The following RPS6KA3 variants were observed in gnomAD, a reference collection of about 807,000 sequenced individuals.
RPS6KA3 encodes the protein ribosomal protein S6 kinase A3, also known as ribosomal protein S6 kinase alpha-3.
In RPS6KA3, 4 loss-of-function variants were observed where a neutral mutation model predicts 67.2. The observed-to-expected ratio is 0.06, with a 90% CI of 0.03 to 0.14. The LOEUF (loss-of-function observed/expected upper bound fraction) is 0.14, where lower values mean the gene tolerates loss of function less well. Among genes scored for constraint, RPS6KA3 ranks in the 10% least tolerant of loss-of-function variants. The pLI, the probability that RPS6KA3 is intolerant of heterozygous loss-of-function variation, is 1.00. For missense variants in RPS6KA3, 204 were observed against 559.0 expected, an observed-to-expected ratio of 0.36 and a Z score of 6.40; for synonymous variants, 182 against 183.7, an observed-to-expected ratio of 0.99 and a Z score of 0.07.
At chrX:20,185,127 A>G (rs2067947775) in intron 10 of RPS6KA3, among the ~76,000 whole-genome samples, 2 of 110,713 alleles carry the variant, frequency 1.8e-5, no homozygotes, top group Admixed American at 9.6e-5. Flanking sequence ...TTCTATTTTT[A>G]GTAGAGACAG....
At chrX:20,162,912 A>G (rs1404491647) in intron 19 of RPS6KA3, 52 bp downstream of exon 19, 47 of 861,290 alleles carry the variant, frequency 5.5e-5, no homozygotes, top group Non-Finnish European at 8.0e-5. Context: ...AACTTAAGCA[A>G]AACATTGATG....
At chrX:20,234,694 AAATAAT>A (rs1272401671) in intron 2 of RPS6KA3, 58 bp downstream of exon 2, 1 of 814,727 alleles carries the variant, frequency 1.2e-6, no homozygotes. Context: ...CTCAGCTGAA[AAATAAT>A]AATAACTTTA....
At chrX:20,239,938 T>C (rs776358920) in intron 1 of RPS6KA3, among the ~76,000 whole-genome samples, 9 of 111,585 alleles carry the variant, frequency 8.1e-5, no homozygotes, top group Non-Finnish European at 1.7e-4. Flanking sequence ...TGCTTTGTTG[T>C]AATGGCATGA....
intron 1 of RPS6KA3, among the ~76,000 whole-genome samples, chrX:20,251,996 G>A (rs184921481): frequency 7.2e-5 from 8 of 111,764 alleles, no homozygotes; most frequent in African/African-American, 2.3e-4. Flanking sequence ...AGGCTCTTGA[G>A]GCTCTGTTCA....
chrX:20,255,558 G>A lies in RPS6KA3; in HGVS notation c.69+11006C>T, dbSNP rs140410206. ...TCCCAGCATTTTGGGAGGCCAAGGC[G>A]GGCGGATCACCTGAGGCCAGAAGTT... On this transcript the variant is annotated intron_variant, in intron 1 of 21. Transcript: ENST00000379565. Among the ~76,000 whole-genome samples the A allele has an allele frequency of 1.6e-3, 173 of 110,304 alleles. 2 individuals are homozygous for A. Among genetic ancestry groups the A allele is most frequent in the African/African-American group, 5.3e-3 (160 of 30,285 alleles).
At chrX:20,187,799 C>G in intron 9 of RPS6KA3, 29 bp downstream of exon 9, 1 of 1,175,108 alleles carries the variant, frequency 8.5e-7, no homozygotes, top group Non-Finnish European at 1.2e-6. Flanking sequence ...TCTCCTTCCC[C>G]TCTAAAAAAT....
In RPS6KA3 at chrX:20,234,105, C is replaced by T. The variant is rs373145027; in HGVS notation, c.126+653G>A. ...GTGAATGTCCACTTTCTATGTTAAA[C>T]GTATCTGTAAAGTATGACCTTTATA... On this transcript the variant is annotated intron_variant, in intron 2 of 21. Coordinates refer to ENST00000379565, the MANE Select transcript of RPS6KA3 (RefSeq NM_004586.3). 7.1e-5 allele frequency among the ~76,000 whole-genome samples: 8 copies of T among 112,396 alleles called. No homozygotes were observed. In the South Asian group the frequency reaches 2.9e-3, roughly 41 times the overall value.
At chrX:20,157,849 C>G (rs1259456374) in intron 20 of RPS6KA3, among the ~76,000 whole-genome samples, 3 of 111,298 alleles carry the variant, frequency 2.7e-5, no homozygotes, top group Non-Finnish European at 5.7e-5. Context: ...GGCAGCAGTA[C>G]AATGCGGCTA....
rs1386609600 is a variant in RPS6KA3 at position 20,188,375 on chromosome X, C to A, written c.631+122G>T. The A allele has an allele frequency of 8.9e-6, 4 of 447,892 alleles. No individual in the cohort carries two copies. The East Asian group carries it at 1.6e-4, about 17-fold the overall frequency. 36.9% of individuals were successfully genotyped at this position (447,892 alleles called of 1,213,427 possible). On this transcript the variant is annotated intron_variant, in intron 8 of 21. Transcript: ENST00000379565. ...ACAGGGGTGAGCCACTACGCCTGGC[C>A]CTAATACAAGTTTTTAATTTTAATA...
At chrX:20,160,540 C>G (rs769763086) in intron 20 of RPS6KA3, among the ~76,000 whole-genome samples, 7 of 111,158 alleles carry the variant, frequency 6.3e-5, no homozygotes, top group Non-Finnish European at 1.1e-4. Context: ...AATTTTCCTG[C>G]CTCAGCCTCC....
chrX:20,198,631 C>T (rs1228859354), intron 4 of RPS6KA3, among the ~76,000 whole-genome samples: 5 of 111,135 alleles, frequency 4.5e-5, no homozygotes, highest in African/African-American at 9.8e-5. Context: ...AACAAGTATC[C>T]GCAACAAATA....
chrX:20,187,480 A>T (rs2068016151), intron 9 of RPS6KA3, among the ~76,000 whole-genome samples: 1 of 112,069 alleles, frequency 8.9e-6, no homozygotes, highest in South Asian at 3.7e-4. Flanking sequence ...CTAGGATTAC[A>T]GGTGTGAGCC....
At position 20,188,020 on chromosome X, in the gene RPS6KA3, T is replaced by A. The variant is rs373699210; in HGVS notation, c.632-50A>T. The A allele has an allele frequency of 4.3e-4, 468 of 1,100,842 alleles. 1 individual carries two copies. The highest frequency in any genetic ancestry group is 5.3e-4 in the Non-Finnish European group (426 of 799,469). The allele number at this position is 1,100,842 out of a possible 1,213,427, so 90.7% of individuals were successfully genotyped here. On this transcript the variant is annotated intron_variant, in intron 8 of 21. Transcript: ENST00000379565. ...TCCTACATAAATTTGCACATGTAAA[T>A]TTTAAACTTTGAGTTCTGACATTAA...
At chrX:20,262,418 T>C (rs937721875) in intron 1 of RPS6KA3, among the ~76,000 whole-genome samples, 2 of 112,102 alleles carry the variant, frequency 1.8e-5, no homozygotes, top group African/African-American at 3.2e-5. Flanking sequence ...AAATAAGATA[T>C]ACTTATTGTG....
chrX:20,190,871 T>C lies in RPS6KA3; in HGVS notation c.594-2337A>G, dbSNP rs867840053. Among the ~76,000 whole-genome samples, 5 of 106,476 alleles carry C rather than the reference T, an allele frequency of 4.7e-5. No individual in the cohort carries two copies. In the South Asian group the frequency reaches 2.0e-3, roughly 43 times the overall value. The allele number at this position is 106,476 out of a possible 115,157, so 92.5% of individuals were successfully genotyped here. ...ACAGAATTTAAATTTTGTACTAACT[T>C]TTTTTTTTTTTTATTATGCTTTAGG... On this transcript the variant is annotated intron_variant, in intron 7 of 21. Coordinates refer to ENST00000379565, the MANE Select transcript of RPS6KA3 (RefSeq NM_004586.3).
At position 20,151,059 on chromosome X, in the gene RPS6KA3, C is replaced by T. The variant is rs1218180602; in HGVS notation, c.*4339G>A. 2 of 112,326 alleles carry T rather than the reference C, an allele frequency of 1.8e-5. No homozygotes were observed. The highest frequency in any genetic ancestry group is 6.5e-5 in the African/African-American group (2 of 30,863). The allele number at this position is 112,326 out of a possible 1,213,427, so 9.3% of individuals were successfully genotyped here. On this transcript the variant is annotated 3_prime_UTR_variant, in exon 22 of 22. Transcript: ENST00000379565. ...GGTAAATGTGAGGCTGATAGTAATA[C>T]CAGGCTTAAGAAAATTAAGTTGACT... is the stretch of plus-strand genomic sequence containing the variant.
At chrX:20,204,231 C>T (rs1367529762) in intron 3 of RPS6KA3, 128 bp from the exon 4 acceptor site, 1 of 470,824 alleles carries the variant, frequency 2.1e-6, no homozygotes, top group Non-Finnish European at 3.7e-6. Context: ...ATTATTTCCC[C>T]TAAAATGTAT....
intron 1 of RPS6KA3, among the ~76,000 whole-genome samples, chrX:20,261,470 T>C (rs1313776485): frequency 1.8e-5 from 2 of 112,414 alleles, no homozygotes; most frequent in South Asian, 3.6e-4. Context: ...CCAAAGTTTA[T>C]CTTTCAACAG....
At position 20,179,397 on chromosome X, in the gene RPS6KA3, G is replaced by T. The variant is rs1202363086; in HGVS notation, c.846-2313C>A. Among the ~76,000 whole-genome samples the T allele has an allele frequency of 5.4e-5, 6 of 111,184 alleles. No individual in the cohort carries two copies. The East Asian group carries it at 1.1e-3, about 21-fold the overall frequency. On this transcript the variant is annotated intron_variant, in intron 10 of 21. Coordinates refer to ENST00000379565, the MANE Select transcript of RPS6KA3 (RefSeq NM_004586.3). Reference sequence around the variant, plus strand: ...GTGGAGGGTAGTTATAGGAAAGACTGAAGTCAGTCAGGAAAGAGTGCAGAG... The same window carrying T: ...GTGGAGGGTAGTTATAGGAAAGACTTAAGTCAGTCAGGAAAGAGTGCAGAG...
Sources: gnomAD v4.1 joint callset for allele counts (sites outside exome capture counted in the v4.1 genomes callset) on GRCh38, gnomAD v4.1.1 for gene constraint, MANE v1.5 for transcripts, NCBI Gene and HGNC (gene_info 2026-07-23, HGNC 2026-07-21) for gene names.